Variants in RNF6 observed in about 807,000 individuals in gnomAD.
RNF6 encodes the protein ring finger protein 6, also known as E3 ubiquitin-protein ligase RNF6.
A neutral mutation model predicts 50.1 loss-of-function variants in RNF6; 21 were observed. The ratio of observed to expected loss-of-function variants is 0.42; its 90% CI spans 0.30 to 0.60. The LOEUF (loss-of-function observed/expected upper bound fraction) is 0.60. Among genes scored for constraint, RNF6 ranks in the 20% least tolerant of loss-of-function variants. The pLI is 0.20. For missense variants in RNF6, 698 were observed against 838.2 expected, an observed-to-expected ratio of 0.83 and a Z score of 2.07; for synonymous variants, 255 against 291.8, an observed-to-expected ratio of 0.87 and a Z score of 1.29.
chr13:26,212,567 A>T (rs1441864718), downstream of RNF6, among the ~76,000 whole-genome samples: 2 of 151,342 alleles, frequency 1.3e-5, no homozygotes, highest in Admixed American at 6.6e-5. Context: ...ATTAATAAGC[A>T]AATATGAAAG....
chr13:26,149,833 T>C (rs1871455878), intron 5 of RNF6, among the ~76,000 whole-genome samples: 1 of 146,784 alleles, frequency 6.8e-6, no homozygotes, highest in Admixed American at 6.9e-5. Context: ...TAAATGAGCA[T>C]AAACACACAT....
chr13:26,151,194 G>A (rs565791972), intron 5 of RNF6, among the ~76,000 whole-genome samples: 3 of 152,136 alleles, frequency 2.0e-5, no homozygotes, highest in East Asian at 3.9e-4. Flanking sequence ...ATCTTGAAAG[G>A]ATATTTCAAA....
intron 5 of RNF6, among the ~76,000 whole-genome samples, chr13:26,154,563 A>T (rs1489652581): frequency 2.0e-5 from 3 of 152,210 alleles, no homozygotes; most frequent in Admixed American, 2.0e-4. Context: ...TAGCTGCCAC[A>T]TACTGGTATT....
rs188642562 is a variant in RNF6, at chr13:26,214,498, C to T, written c.1384G>A (p.Val462Ile). The part of the protein sequence containing the change: ...GIRTYVSTIT[V>I]PLRRISENEL... ...TTCTCAGAAATCCTACGAAGAGGAA[C>T]TGTTATGGTACTAACATAGGTTCGA... Residue 462 changes from valine (V) to isoleucine (I), a missense_variant, in exon 5 of 5, where the codon GTT (valine) becomes ATT (isoleucine). Physicochemically the swap from Val to Ile is conservative, Grantham distance 29 (BLOSUM62 3). Coordinates refer to ENST00000381588, the MANE Select transcript of RNF6 (RefSeq NM_005977.4). 3.1e-6 allele frequency: 5 copies of T among 1,614,186 alleles called. No homozygotes were observed. In the African/African-American group the frequency reaches 5.3e-5, roughly 17 times the overall value.
chr13:26,215,368 T>C lies in RNF6; in HGVS notation c.514A>G (p.Ile172Val), dbSNP rs1304366837. 1.2e-6 allele frequency: 2 copies of C among 1,614,138 alleles called. No individual in the cohort carries two copies. The highest frequency in any genetic ancestry group is 1.7e-6 in the Non-Finnish European group (2 of 1,180,060). Residue 172 changes from isoleucine (I) to valine (V), a missense_variant, in exon 5 of 5, where the codon ATT becomes GTT. Transcript: ENST00000381588. ...FEIHGEDYTD[I>V]PLSDSNRDHT... ...TCTCTGTTACTATCTGAAAGTGGAA[T>C]GTCTGTATAATCTTCTCCATGAATT... is the stretch of plus-strand genomic sequence containing the variant.
intron 5 of RNF6, among the ~76,000 whole-genome samples, chr13:26,138,247 C>G (rs997068386): frequency 1.3e-5 from 2 of 152,056 alleles, no homozygotes; most frequent in Admixed American, 1.3e-4. Context: ...AATTTTATAT[C>G]GAGTAAAACT....
At chr13:26,182,233 GT>G (rs1254764920) in intron 5 of RNF6, among the ~76,000 whole-genome samples, 1 of 152,180 alleles carries the variant, frequency 6.6e-6, no homozygotes, top group African/African-American at 2.4e-5. Flanking sequence ...GAAATGTGGT[GT>G]TTCACGATCA....
At chr13:26,142,048 C>A (rs540010894) in intron 5 of RNF6, among the ~76,000 whole-genome samples, 1 of 152,014 alleles carries the variant, frequency 6.6e-6, no homozygotes, top group Admixed American at 6.6e-5. Context: ...CCCAAATAAC[C>A]CCATTAAAAC....
chr13:26,183,297 A>C (rs1333695076), intron 5 of RNF6, among the ~76,000 whole-genome samples: 1 of 152,234 alleles, frequency 6.6e-6, no homozygotes, highest in African/African-American at 2.4e-5. Flanking sequence ...TTTTCCCTTT[A>C]TAGAGTATTG....
intron 2 of RNF6, among the ~76,000 whole-genome samples, 151 bp from the exon 3 acceptor site, chr13:26,219,818 T>C (rs1870292478): frequency 6.6e-6 from 1 of 152,206 alleles, no homozygotes. Context: ...AGCTTACATA[T>C]AAAATGAAAA....
intron 5 of RNF6, among the ~76,000 whole-genome samples, chr13:26,177,121 G>A (rs1289073937): frequency 6.6e-6 from 1 of 152,148 alleles, no homozygotes; most frequent in Non-Finnish European, 1.5e-5. Flanking sequence ...GTCTCAGAGG[G>A]AGAATGAACC....
intron 5 of RNF6, among the ~76,000 whole-genome samples, chr13:26,150,012 ATG>A (rs1566409275): frequency 1.0e-4 from 13 of 128,398 alleles, no homozygotes; most frequent in African/African-American, 3.9e-4. Context: ...TGTATATATA[ATG>A]TGTATATATA....
intron 5 of RNF6, among the ~76,000 whole-genome samples, chr13:26,183,991 A>AATATATATATATATATATATATAT (rs1243482593): frequency 1.6e-5 from 1 of 61,542 alleles, no homozygotes; most frequent in African/African-American, 7.9e-5. Context: ...AGATAAATAA[A>AATATATATATATATATATATATAT]ATATATATAT....
intron 5 of RNF6, among the ~76,000 whole-genome samples, chr13:26,202,386 G>C (rs933734660): frequency 3.3e-5 from 5 of 152,174 alleles, no homozygotes; most frequent in Admixed American, 6.5e-5. Context: ...ATTGGCAATA[G>C]GAGAGGATCA....
chr13:26,181,027 T>G (rs1457658053), intron 5 of RNF6, among the ~76,000 whole-genome samples: 1 of 152,158 alleles, frequency 6.6e-6, no homozygotes, highest in Non-Finnish European at 1.5e-5. Flanking sequence ...AGTCCTGAGG[T>G]TACTACCTCT....
At chr13:26,160,544 CT>C (rs398022018) in intron 5 of RNF6, among the ~76,000 whole-genome samples, 15 of 24,306 alleles carry the variant, frequency 6.2e-4, no homozygotes, top group Admixed American at 9.3e-4. Context: ...TCTTCTTCTT[CT>C]TTTTTTTTTT....
intron 5 of RNF6, among the ~76,000 whole-genome samples, chr13:26,153,722 G>C (rs1240963909): frequency 1.3e-5 from 2 of 151,982 alleles, no homozygotes; most frequent in Non-Finnish European, 2.9e-5. Flanking sequence ...ACTACTATTC[G>C]GACTTCCTTT....
In RNF6 at chr13:26,177,055, A is replaced by G. The variant is rs567473641; in HGVS notation, n.768+38419T>C. On this transcript the variant is annotated intron_variant and non_coding_transcript_variant, in intron 5 of 5. Transcript: ENST00000468480. Reference sequence around the variant, plus strand: ...CTGATGGGTCTACAAGCCAAGAAGGAAAGATCGGCGGGGACCACCAGAGCT... The same window carrying G: ...CTGATGGGTCTACAAGCCAAGAAGGGAAGATCGGCGGGGACCACCAGAGCT... Among the ~76,000 whole-genome samples, 8 of 152,334 alleles carry G rather than the reference A, an allele frequency of 5.3e-5. No homozygotes were observed. The South Asian group carries it at 1.7e-3, about 32-fold the overall frequency.
chr13:26,141,828 A>ATT (rs1379149587), intron 5 of RNF6, among the ~76,000 whole-genome samples: 1 of 152,108 alleles, frequency 6.6e-6, no homozygotes, highest in Non-Finnish European at 1.5e-5. Context: ...TTGGAAAAGA[A>ATT]TTTATGACCA....
Sources: allele counts gnomAD v4.1 joint callset (sites outside exome capture counted in the v4.1 genomes callset), GRCh38; gene constraint gnomAD v4.1.1; transcripts MANE v1.5; gene names NCBI Gene and HGNC (gene_info 2026-07-23, HGNC 2026-07-21).